Variants in PRH1 observed in about 807,000 individuals in gnomAD.
PRH1 encodes salivary acidic proline-rich phosphoprotein 1/2.
A neutral mutation model predicts 7.9 loss-of-function variants in PRH1; 7 were observed. The observed-to-expected ratio is 0.89, with a 90% confidence interval of 0.50 to 1.67. The LOEUF is 1.67. Among genes scored for constraint, PRH1 ranks in the 40% most tolerant of loss-of-function variants. The probability of loss-of-function intolerance (pLI) is 0.00; values close to 1 mark genes in which losing one functional copy is unlikely to be tolerated. For missense variants in PRH1, 109 were observed against 223.6 expected, an observed-to-expected ratio of 0.49 and a Z score of 3.27; for synonymous variants, 45 against 80.8, an observed-to-expected ratio of 0.56 and a Z score of 2.38.
chr12:10,919,464 A>C (rs1055479227), intron 2 of PRH1, among the ~76,000 whole-genome samples: 2 of 152,200 alleles, frequency 1.3e-5, no homozygotes, highest in Non-Finnish European at 2.9e-5. Context: ...ATGTGAACTC[A>C]TCAGTCTTTT....
At chr12:11,156,705 C>T (rs571899362) in intron 1 of PRH1, among the ~76,000 whole-genome samples, 1 of 152,220 alleles carries the variant, frequency 6.6e-6, no homozygotes, top group African/African-American at 2.4e-5. Flanking sequence ...CACTCTATTT[C>T]TGTAAGTTAT....
chr12:11,162,513 G>A (rs61928606), intron 1 of PRH1, among the ~76,000 whole-genome samples: 122,994 of 152,180 alleles, frequency 0.81, 50,323 homozygotes, highest in East Asian at 0.96. Context: ...TTAAGCTGAT[G>A]TAACATAAGA....
intron 1 of PRH1, among the ~76,000 whole-genome samples, chr12:10,982,711 AATATTAT>A (rs1351991738): frequency 6.6e-6 from 1 of 152,196 alleles, no homozygotes; most frequent in African/African-American, 2.4e-5. Flanking sequence ...AGTATAGTAA[AATATTAT>A]AACATTGAAC....
In PRH1 at chr12:11,096,847, G is replaced by C. The variant is rs563851036; in HGVS notation, n.124-49659C>G. 2.6e-5 allele frequency among the ~76,000 whole-genome samples: 3 copies of C among 115,124 alleles called. 1 individual carries two copies. The South Asian group carries it at 7.1e-4, about 27-fold the overall frequency. The allele number at this position is 115,124 out of a possible 152,430, so 75.5% of individuals were successfully genotyped here. On this transcript the variant is annotated intron_variant and non_coding_transcript_variant, in intron 1 of 4. Coordinates refer to the PRH1 transcript ENST00000541977. ...CGGAGTCTCGTTGTCTCCCAGGCTG[G>C]AGTGCAGCGGCGCGATCTCGGCTCA...
At chr12:10,965,573 A>G (rs1347235499) in intron 2 of PRH1, among the ~76,000 whole-genome samples, 1 of 152,236 alleles carries the variant, frequency 6.6e-6, no homozygotes, top group Non-Finnish European at 1.5e-5. Flanking sequence ...ATTTTCAAAC[A>G]GCTCAACTTA....
intron 1 of PRH1, among the ~76,000 whole-genome samples, chr12:11,122,431 T>C (rs2136327612): frequency 6.6e-6 from 1 of 152,392 alleles, no homozygotes; most frequent in African/African-American, 2.4e-5. Context: ...TTTGGAGGAT[T>C]TTCTCTTGCA....
intron 1 of PRH1, among the ~76,000 whole-genome samples, chr12:11,074,100 A>C (rs112900030): frequency 0.37 from 40,794 of 110,950 alleles, 10,981 homozygotes; most frequent in Non-Finnish European, 0.46. Context: ...TCCTGTTCCC[A>C]TGGTCAGCAC....
At chr12:10,995,196 A>G (rs1465012040) in intron 1 of PRH1, among the ~76,000 whole-genome samples, 1 of 152,176 alleles carries the variant, frequency 6.6e-6, no homozygotes, top group East Asian at 1.9e-4. Flanking sequence ...TCATTCACCA[A>G]TTAACTTGTT....
chr12:11,060,391 A>G (rs572576790), intron 1 of PRH1, among the ~76,000 whole-genome samples: 2 of 150,332 alleles, frequency 1.3e-5, no homozygotes, highest in Non-Finnish European at 3.0e-5. Flanking sequence ...TTTTTTTAGA[A>G]TAAGGAAGAT....
At chr12:10,960,470 G>T (rs141586940) in intron 2 of PRH1, among the ~76,000 whole-genome samples, 2 of 152,206 alleles carry the variant, frequency 1.3e-5, no homozygotes, top group Non-Finnish European at 2.9e-5. Flanking sequence ...TGAGCAGAAC[G>T]TGGTTTCTGG....
At chr12:11,078,732 C>G (rs76297517) in intron 1 of PRH1, 10 of 151,458 alleles carry the variant, frequency 6.6e-5, no homozygotes, top group African/African-American at 2.4e-4. Context: ...TTGGTCATAA[C>G]TAGGATCACA....
At chr12:11,026,198 C>A (rs552961549) in intron 1 of PRH1, among the ~76,000 whole-genome samples, 32 of 152,324 alleles carry the variant, frequency 2.1e-4, no homozygotes, top group African/African-American at 7.5e-4. Flanking sequence ...AACACACCAG[C>A]TAATTTTTTA....
At chr12:11,019,272 C>T (rs1239229528) in intron 1 of PRH1, among the ~76,000 whole-genome samples, 2 of 152,264 alleles carry the variant, frequency 1.3e-5, no homozygotes, top group African/African-American at 2.4e-5. Flanking sequence ...CATCTGATGA[C>T]CACCATGCTG....
At chr12:10,890,921 T>A (rs537699700) in intron 2 of PRH1, among the ~76,000 whole-genome samples, 15 of 152,012 alleles carry the variant, frequency 9.9e-5, no homozygotes, top group African/African-American at 3.6e-4. Context: ...TCACATGCTA[T>A]TGTCCTCCAT....
chr12:11,070,437 C>CTAAGAGAAGAAT (rs376139823), intron 1 of PRH1, among the ~76,000 whole-genome samples: 32 of 144,532 alleles, frequency 2.2e-4, no homozygotes, highest in Admixed American at 6.2e-4. Flanking sequence ...ACACAAGACC[C>CTAAGAGAAGAAT]CAGAAGTATA....
chr12:10,929,404 G>T, intron 2 of PRH1: 1 of 1,588,250 alleles, frequency 6.3e-7, no homozygotes, highest in South Asian at 1.1e-5. Context: ...TATAGAGGGG[G>T]AAAGTGGAGG....
At chr12:11,152,804 C>A (rs901553252) in intron 1 of PRH1, among the ~76,000 whole-genome samples, 3 of 152,130 alleles carry the variant, frequency 2.0e-5, no homozygotes, top group African/African-American at 7.2e-5. Flanking sequence ...CTTAAAAATG[C>A]ATTATCAGTT....
At chr12:11,030,681 G>T (rs767248304) in intron 1 of PRH1, 4 of 1,614,182 alleles carry the variant, frequency 2.5e-6, no homozygotes, top group Non-Finnish European at 3.4e-6. Context: ...TTGGTGCTGG[G>T]ATCTTGAGAT....
At chr12:11,139,997 T>C (rs1946659763) in intron 1 of PRH1, among the ~76,000 whole-genome samples, 1 of 152,204 alleles carries the variant, frequency 6.6e-6, no homozygotes, top group African/African-American at 2.4e-5. Flanking sequence ...TAATTTAGAA[T>C]GTATTTTTAC....
Sources: gnomAD v4.1 joint callset for allele counts (sites outside exome capture counted in the v4.1 genomes callset) on GRCh38, gnomAD v4.1.1 for gene constraint, MANE v1.5 for transcripts, NCBI Gene and HGNC (gene_info 2026-07-23, HGNC 2026-07-21) for gene names.